Variants in SPOCK2 observed in about 807,000 individuals in gnomAD.
SPOCK2 encodes the protein testican-2.
A neutral mutation model predicts 60.1 loss-of-function variants in SPOCK2; 39 were observed. The observed-to-expected ratio is 0.65, with a 90% CI of 0.50 to 0.85. The LOEUF is 0.85. Ranked by LOEUF, SPOCK2 falls within the 40% of genes least tolerant of loss-of-function variation. SPOCK2 has a pLI of 0.00. For missense variants in SPOCK2, 523 were observed against 567.4 expected (o/e 0.92, Z 0.80); for synonymous variants, 217 against 231.5 (o/e 0.94, Z 0.57).
Position 72,075,125 on chromosome 10 carries a change from G to T in SPOCK2, c.190-2215C>A, listed in dbSNP as rs558111860. Among the ~76,000 whole-genome samples the T allele has an allele frequency of 3.9e-5, 6 of 152,280 alleles. No individual in the cohort carries two copies. In the South Asian group the frequency reaches 1.2e-3, roughly 32 times the overall value. ...AAGCCTTCTCCAGGAGCTCCTCAGGGTTCAGGGGTCCTCTGCTGGGGGTCC... is the reference window on the plus strand; with the variant it reads ...AAGCCTTCTCCAGGAGCTCCTCAGGTTTCAGGGGTCCTCTGCTGGGGGTCC... On this transcript the variant is annotated intron_variant, in intron 1 of 10. Transcript: ENST00000373109.
chr10:72,066,847 T>A, intron 8 of SPOCK2, 55 bp downstream of exon 8: 20 of 1,603,032 alleles, frequency 1.2e-5, no homozygotes, highest in Non-Finnish European at 1.7e-5. Flanking sequence ...AGCCTGGAAC[T>A]TCGGGTAGAG....
rs1840663003 is a variant in SPOCK2 at position 72,072,534 on chromosome 10, CTT to C, written c.211_212del (p.Lys71GlufsTer10). 1 of 1,613,888 alleles carries C rather than the reference CTT, an allele frequency of 6.2e-7. No homozygotes were observed. Among genetic ancestry groups the C allele is most frequent in the Middle Eastern group, 1.6e-4 (1 of 6,084 alleles). ...FRDEVEDDYI[K>X]SWEDNQQGDE... ...CTCCTTGCTGATTGTCCTCCCAGCT[CTT>C]GATATAGTCATCCTAGAGGACAGAG... On this transcript the variant is annotated frameshift_variant, in exon 3 of 11. Transcript: ENST00000373109. LOFTEE classifies it high-confidence loss of function.
chr10:72,087,623 C>T lies in SPOCK2; in HGVS notation c.189+517G>A, dbSNP rs1220115024. On this transcript the variant is annotated intron_variant, in intron 1 of 10. Transcript: ENST00000373109. The surrounding 1 kb of genome is among the most constrained non-coding windows in gnomAD (Gnocchi z 4.7). ...GGTCACACTCCCGTCCCATGCTGTCCCCCTCCCGCAAAGCCCACGGTGGGA... is the reference window on the plus strand; with the variant it reads ...GGTCACACTCCCGTCCCATGCTGTCTCCCTCCCGCAAAGCCCACGGTGGGA... Among the ~76,000 whole-genome samples the T allele has an allele frequency of 6.6e-6, 1 of 152,206 alleles. No individual in the cohort carries two copies. The highest frequency in any genetic ancestry group is 2.4e-5 in the African/African-American group (1 of 41,448).
At chr10:72,077,903 C>A (rs1840735055) in intron 1 of SPOCK2, among the ~76,000 whole-genome samples, 1 of 152,198 alleles carries the variant, frequency 6.6e-6, no homozygotes, top group Non-Finnish European at 1.5e-5. Context: ...ACCCGAAAAA[C>A]TGCAGCGCCT....
rs951812998 is a variant in SPOCK2 at position 72,062,616 on chromosome 10, C to T, written c.*144G>A. ...CCGTCCCAGCCATCTGTGCCACACA[C>T]ATGCCATGCACACTCACACTCCCAG... On this transcript the variant is annotated 3_prime_UTR_variant, in exon 11 of 11. Coordinates refer to ENST00000373109, the MANE Select transcript of SPOCK2 (RefSeq NM_001244950.2). The surrounding 1 kb of genome is among the most constrained non-coding windows in gnomAD (Gnocchi z 4.3). The T allele has an allele frequency of 6.9e-7, 1 of 1,441,810 alleles. No individual in the cohort carries two copies. Among genetic ancestry groups the T allele is most frequent in the Non-Finnish European group, 9.3e-7 (1 of 1,079,756 alleles). 89.3% of individuals were successfully genotyped at this position (1,441,810 alleles called of 1,614,324 possible). A position where few individuals can be genotyped will look rare whatever the true frequency, so the allele number is the denominator to read the frequency against.
chr10:72,063,452 T>C (rs940305703), intron 9 of SPOCK2, among the ~76,000 whole-genome samples: 2 of 152,170 alleles, frequency 1.3e-5, no homozygotes, highest in Non-Finnish European at 2.9e-5. Context: ...ATGGCCCAAG[T>C]CTTCTAGGAC....
chr10:72,076,807 T>C (rs1236280505), intron 1 of SPOCK2, among the ~76,000 whole-genome samples: 4 of 152,088 alleles, frequency 2.6e-5, no homozygotes, highest in Admixed American at 6.6e-5. Flanking sequence ...TCAGAGCCAA[T>C]AGGATCAACA....
At position 72,087,155 on chromosome 10, in the gene SPOCK2, C is replaced by T. The variant is rs1323697866; in HGVS notation, c.189+985G>A. 6.6e-6 allele frequency among the ~76,000 whole-genome samples: 1 copy of T among 152,026 alleles called. No homozygotes were observed. The highest frequency in any genetic ancestry group is 1.5e-5 in the Non-Finnish European group (1 of 67,980). ...TCTCGGGGTCCAGCCACACCCTCCG[C>T]CCGCCCTGCCTCACCCCTGCTTCCC... On this transcript the variant is annotated intron_variant, in intron 1 of 10. Coordinates refer to ENST00000373109, the MANE Select transcript of SPOCK2 (RefSeq NM_001244950.2). The surrounding 1 kb of genome is among the most constrained non-coding windows in gnomAD (Gnocchi z 4.7).
At chr10:72,066,503 A>ATT (rs34886842) in intron 8 of SPOCK2, among the ~76,000 whole-genome samples, 11,473 of 123,876 alleles carry the variant, frequency 0.093, 1,222 homozygotes, top group African/African-American at 0.25. Flanking sequence ...ATGCCTGGCT[A>ATT]TTTTTTTTTT....
rs376075591 is a variant in SPOCK2 at position 72,062,737 on chromosome 10, C to CG, written c.*22dup. The CG allele has an allele frequency of 2.0e-4, 313 of 1,589,672 alleles. 1 individual carries two copies. In the African/African-American group the frequency reaches 3.8e-3, roughly 19 times the overall value. On this transcript the variant is annotated 3_prime_UTR_variant, in exon 11 of 11. Coordinates refer to ENST00000373109, the MANE Select transcript of SPOCK2 (RefSeq NM_001244950.2). The surrounding 1 kb of genome is among the most constrained non-coding windows in gnomAD (Gnocchi z 4.3). Reference sequence around the variant, plus strand: ...CAGAGCTCTGCTGTTGAGTCCCCCCCGGCAGCCGGCTCCTGAGGGCGTCTA... The same window carrying CG: ...CAGAGCTCTGCTGTTGAGTCCCCCCCGGGCAGCCGGCTCCTGAGGGCGTCTA...
intron 5 of SPOCK2, 102 bp from the exon 6 acceptor site, chr10:72,068,403 C>T: frequency 7.9e-7 from 1 of 1,259,918 alleles, no homozygotes; most frequent in Non-Finnish European, 1.1e-6. Flanking sequence ...CATCTGCCTC[C>T]CCCCATGGAG....
At chr10:72,078,981 CA>C (rs1180303558) in intron 1 of SPOCK2, among the ~76,000 whole-genome samples, 1 of 152,230 alleles carries the variant, frequency 6.6e-6, no homozygotes, top group Non-Finnish European at 1.5e-5. Flanking sequence ...ACACTCCTAA[CA>C]ATAGCTGACA....
At chr10:72,069,562 T>C (rs751158202) in intron 5 of SPOCK2, among the ~76,000 whole-genome samples, 46 of 151,214 alleles carry the variant, frequency 3.0e-4, no homozygotes, top group Admixed American at 1.5e-3. Context: ...CTCGAACTCC[T>C]GGCATCCCCC....
At chr10:72,079,128 A>C (rs1840752284) in intron 1 of SPOCK2, among the ~76,000 whole-genome samples, 2 of 152,316 alleles carry the variant, frequency 1.3e-5, no homozygotes, top group South Asian at 4.1e-4. Flanking sequence ...TGAGGCTCAG[A>C]GAGGTTAAGT....
At chr10:72,086,977 G>C (rs1462462787) in intron 1 of SPOCK2, 1 of 1,551,488 alleles carries the variant, frequency 6.4e-7, no homozygotes, top group Non-Finnish European at 8.7e-7. Context: ...GTACTGGGTG[G>C]GTCGGACGAG....
In SPOCK2 at chr10:72,072,145, T is replaced by C; in HGVS notation, c.358A>G (p.Arg120Gly). The change falls in exon 4 of 11, where the codon AGG becomes GGG. Residue 120 changes from arginine to glycine, a missense_variant and splice_region_variant. Physicochemically the swap from Arg to Gly is moderately radical, Grantham distance 125 (BLOSUM62 -2). Transcript: ENST00000373109. ...MCISRKKLEH[R>G]IKQPTVKLHG... The stretch of plus-strand genomic sequence containing the variant: ...CTCCCACCTCCCCAAACCTCTCACC[T>C]GTGCTCCAGCTTCTTGCGACTGATG... 1 of 1,508,776 alleles carries C rather than the reference T, an allele frequency of 6.6e-7. No individual in the cohort carries two copies. The highest frequency in any genetic ancestry group is 2.5e-5 in the East Asian group (1 of 40,754). The allele number at this position is 1,508,776 out of a possible 1,614,324, so 93.5% of individuals were successfully genotyped here.
Position 72,068,169 on chromosome 10 carries a change from G to A in SPOCK2, c.589+18C>T, listed in dbSNP as rs1226318797. On this transcript the variant is annotated intron_variant, in intron 6 of 10. Transcript: ENST00000373109. ...GCCCTTCAGCACCCCTAGCCTGGTG[G>A]CCCAGCACTGTCCTCACCTGGTTTG... is the stretch of plus-strand genomic sequence containing the variant. 6.3e-7 allele frequency: 1 copy of A among 1,599,558 alleles called. No homozygotes were observed. The highest frequency in any genetic ancestry group is 8.5e-7 in the Non-Finnish European group (1 of 1,173,256).
At chr10:72,070,626 G>A (rs1450643351) in intron 4 of SPOCK2, among the ~76,000 whole-genome samples, 200 bp from the exon 5 acceptor site, 1 of 151,820 alleles carries the variant, frequency 6.6e-6, no homozygotes, top group Non-Finnish European at 1.5e-5. Context: ...AACTGAGCAG[G>A]GCATAAATTC....
chr10:72,059,965 T>C lies in SPOCK2; in HGVS notation c.*2795A>G, dbSNP rs1840470339. Reference sequence around the variant, plus strand: ...AGCAAGAAACCGTTCTTTGAACACATGGTTAAGCTTCTTCCAGCATGGCCC... The same window carrying C: ...AGCAAGAAACCGTTCTTTGAACACACGGTTAAGCTTCTTCCAGCATGGCCC... On this transcript the variant is annotated 3_prime_UTR_variant, in exon 11 of 11. Coordinates refer to ENST00000373109, the MANE Select transcript of SPOCK2 (RefSeq NM_001244950.2). 6.6e-6 allele frequency: 1 copy of C among 152,606 alleles called. No homozygotes were observed. Among genetic ancestry groups the C allele is most frequent in the South Asian group, 2.1e-4 (1 of 4,830 alleles). The allele number at this position is 152,606 out of a possible 1,614,324, so 9.5% of individuals were successfully genotyped here. A position where few individuals can be genotyped will look rare whatever the true frequency, so the allele number is the denominator to read the frequency against.
Sources: gnomAD v4.1 joint callset for allele counts (sites outside exome capture counted in the v4.1 genomes callset) on GRCh38, gnomAD v4.1.1 for gene constraint, Gnocchi (gnomAD v3.1) non-coding constraint, MANE v1.5 for transcripts, NCBI Gene and HGNC (gene_info 2026-07-23, HGNC 2026-07-21) for gene names.